ARNT2: variants seen among roughly 807,000 people sequenced by gnomAD.
The protein encoded by ARNT2 is aryl hydrocarbon receptor nuclear translocator 2.
A neutral mutation model predicts 91.7 loss-of-function variants in ARNT2; 36 were observed. That is an observed-to-expected ratio of 0.39 (90% CI 0.30 to 0.52). The LOEUF is 0.52. ARNT2 is among the 20% of genes least tolerant of loss of function. The probability of loss-of-function intolerance (pLI) is 0.72; values close to 1 mark genes in which losing one functional copy is unlikely to be tolerated. For missense variants in ARNT2, 775 were observed against 939.3 expected (o/e 0.83, Z 2.29); for synonymous variants, 365 against 347.1 (o/e 1.05, Z -0.57).
chr15:80,534,308 G>T (rs1897786517), intron 8 of ARNT2, among the ~76,000 whole-genome samples: 2 of 151,880 alleles, frequency 1.3e-5, no homozygotes, highest in South Asian at 4.2e-4. Flanking sequence ...AAACATCATT[G>T]CTTACCTTCT....
At chr15:80,414,995 T>C (rs986135072) in intron 1 of ARNT2, among the ~76,000 whole-genome samples, 2 of 152,182 alleles carry the variant, frequency 1.3e-5, no homozygotes, top group African/African-American at 4.8e-5. Flanking sequence ...TTTATGCAAA[T>C]GACTGACCAA....
intron 5 of ARNT2, among the ~76,000 whole-genome samples, chr15:80,485,624 A>T (rs1896959821): frequency 6.6e-6 from 1 of 152,246 alleles, no homozygotes; most frequent in South Asian, 2.1e-4. Context: ...TGAGTGACTG[A>T]TGCCTGGTGA....
intron 5 of ARNT2, among the ~76,000 whole-genome samples, chr15:80,477,761 G>T (rs567986449): frequency 2.0e-4 from 31 of 152,304 alleles, no homozygotes; most frequent in African/African-American, 5.8e-4. Context: ...TCACATTCTG[G>T]GGTACTGGGG....
intron 9 of ARNT2, among the ~76,000 whole-genome samples, chr15:80,551,505 T>C (rs567294944): frequency 1.3e-5 from 2 of 152,214 alleles, no homozygotes; most frequent in South Asian, 4.1e-4. Flanking sequence ...TCATCCCCCA[T>C]GCTTGTGCTG....
chr15:80,570,184 G>T (rs1471726682), intron 12 of ARNT2, among the ~76,000 whole-genome samples: 2 of 152,196 alleles, frequency 1.3e-5, no homozygotes, highest in Middle Eastern at 3.2e-3. Context: ...CCATATTCTT[G>T]CCATGTCACC....
intron 18 of ARNT2, among the ~76,000 whole-genome samples, chr15:80,593,173 A>G (rs1893311622): frequency 6.6e-6 from 1 of 152,230 alleles, no homozygotes; most frequent in African/African-American, 2.4e-5. Context: ...CGCTAAGATA[A>G]ACATGGAAGA....
At chr15:80,544,758 T>C (rs1897964532) in intron 8 of ARNT2, among the ~76,000 whole-genome samples, 1 of 152,160 alleles carries the variant, frequency 6.6e-6, no homozygotes, top group African/African-American at 2.4e-5. Flanking sequence ...TATTCAGAAA[T>C]GTGACAAGAA....
chr15:80,541,262 G>A (rs984990511), intron 8 of ARNT2, among the ~76,000 whole-genome samples: 17 of 152,234 alleles, frequency 1.1e-4, no homozygotes, highest in African/African-American at 3.6e-4. Flanking sequence ...TTTTTCATGT[G>A]TCTGTTGGCT....
At chr15:80,526,096 G>A (rs1039679382) in intron 8 of ARNT2, among the ~76,000 whole-genome samples, 2 of 152,208 alleles carry the variant, frequency 1.3e-5, no homozygotes, top group Non-Finnish European at 2.9e-5. Flanking sequence ...CCGACTCCCT[G>A]TTAAATGTAA....
intron 11 of ARNT2, 158 bp downstream of exon 11, chr15:80,555,297 A>T (rs1898160395): frequency 1.5e-6 from 1 of 653,224 alleles, no homozygotes; most frequent in Non-Finnish European, 2.7e-6. Context: ...ACAGTCTAGT[A>T]GGGAAGACAG....
At chr15:80,484,327 G>A (rs1896933360) in intron 5 of ARNT2, among the ~76,000 whole-genome samples, 1 of 152,178 alleles carries the variant, frequency 6.6e-6, no homozygotes, top group Non-Finnish European at 1.5e-5. Flanking sequence ...TTGCCCAGTT[G>A]TGTAAGTAAA....
At position 80,413,396 on chromosome 15, in the gene ARNT2, G is replaced by T. The variant is rs573185569; in HGVS notation, c.31+8850G>T. Among the ~76,000 whole-genome samples the T allele has an allele frequency of 3.9e-5, 6 of 152,344 alleles. No homozygotes were observed. In the South Asian group the frequency reaches 6.2e-4, roughly 16 times the overall value. On this transcript the variant is annotated intron_variant, in intron 1 of 18. Coordinates refer to ENST00000303329, the MANE Select transcript of ARNT2 (RefSeq NM_014862.4). ...CTACACACTTCCAACCAGACCACCT[G>T]GCTGACAGGGTGGTCCCAGGGCTTA... is the stretch of plus-strand genomic sequence containing the variant.
chr15:80,543,640 CA>C (rs1897946569), intron 8 of ARNT2, among the ~76,000 whole-genome samples: 1 of 152,154 alleles, frequency 6.6e-6, no homozygotes, highest in South Asian at 2.1e-4. Flanking sequence ...TGAAAAAGAA[CA>C]TTTTTATTAC....
intron 14 of ARNT2, among the ~76,000 whole-genome samples, chr15:80,576,127 T>G (rs7359233): frequency 0.16 from 24,991 of 152,108 alleles, 2,266 homozygotes; most frequent in South Asian, 0.21. Context: ...CCTCTTACCT[T>G]GGAGATGGGA....
intron 5 of ARNT2, among the ~76,000 whole-genome samples, chr15:80,480,187 T>C (rs1896864425): frequency 6.6e-6 from 1 of 152,102 alleles, no homozygotes; most frequent in Non-Finnish European, 1.5e-5. Flanking sequence ...CCTGGATATC[T>C]GAGTGGCCTA....
intron 1 of ARNT2, among the ~76,000 whole-genome samples, chr15:80,436,732 A>T (rs1294382146): frequency 6.6e-6 from 1 of 152,148 alleles, no homozygotes; most frequent in Non-Finnish European, 1.5e-5. Flanking sequence ...GACAGTCTTC[A>T]TTTGTGCCTG....
At chr15:80,537,098 G>C (rs1446824626) in intron 8 of ARNT2, among the ~76,000 whole-genome samples, 1 of 152,078 alleles carries the variant, frequency 6.6e-6, no homozygotes, top group African/African-American at 2.4e-5. Flanking sequence ...GGCTCTGCTG[G>C]TCCCACCAAA....
chr15:80,488,362 T>C (rs1192269154), intron 5 of ARNT2, among the ~76,000 whole-genome samples: 4 of 152,216 alleles, frequency 2.6e-5, no homozygotes, highest in African/African-American at 9.6e-5. Context: ...GTGTGCTTCT[T>C]TGTAATGCTA....
At chr15:80,547,551 G>C (rs909403125) in intron 8 of ARNT2, among the ~76,000 whole-genome samples, 2 of 152,144 alleles carry the variant, frequency 1.3e-5, no homozygotes, top group Non-Finnish European at 2.9e-5. Context: ...CATAGTTTTT[G>C]CTTGAAAGAA....
Sources: allele counts gnomAD v4.1 joint callset (sites outside exome capture counted in the v4.1 genomes callset), GRCh38; gene constraint gnomAD v4.1.1; transcripts MANE v1.5; gene names NCBI Gene and HGNC (gene_info 2026-07-23, HGNC 2026-07-21).